Variants in SHANK2 observed in about 807,000 individuals in gnomAD.
The protein encoded by SHANK2 is SH3 and multiple ankyrin repeat domains protein 2.
Under a neutral mutation model 133.7 loss-of-function variants are expected in SHANK2, and 43 were observed. The ratio of observed to expected loss-of-function variants is 0.32; its 90% CI spans 0.25 to 0.41. The LOEUF is 0.41. SHANK2 is among the 10% of genes least tolerant of loss of function. The probability of loss-of-function intolerance (pLI) is 1.00; values close to 1 mark genes in which losing one functional copy is unlikely to be tolerated. For missense variants in SHANK2, 1,994 were observed against 2,235.8 expected (o/e 0.89, Z 2.18); for synonymous variants, 1,017 against 952.8 (o/e 1.07, Z -1.24).
chr11:70,861,753 C>T (rs1449842083), intron 11 of SHANK2, among the ~76,000 whole-genome samples: 1 of 152,160 alleles, frequency 6.6e-6, no homozygotes, highest in Non-Finnish European at 1.5e-5. Context: ...ACAATCCCAG[C>T]AGATGCTGAC....
intron 13 of SHANK2, among the ~76,000 whole-genome samples, chr11:70,800,273 C>CCTCCACCT (rs1555050213): frequency 2.0e-5 from 3 of 152,204 alleles, no homozygotes; most frequent in African/African-American, 7.2e-5. Flanking sequence ...CAATCACCTG[C>CCTCCACCT]CTCCACCTCC....
chr11:70,651,327 G>A (rs1417027594), intron 17 of SHANK2, among the ~76,000 whole-genome samples: 5 of 152,156 alleles, frequency 3.3e-5, no homozygotes, highest in Admixed American at 1.3e-4. Context: ...CGAGCTGCCC[G>A]CATCCACCTT....
At chr11:70,783,814 A>G (rs575215543) in intron 14 of SHANK2, among the ~76,000 whole-genome samples, 2 of 152,322 alleles carry the variant, frequency 1.3e-5, no homozygotes, top group Non-Finnish European at 2.9e-5. Context: ...AATTAAAAAT[A>G]AAAGCATCAC....
chr11:70,837,280 T>TGCTCCTCCAGATGCTCCC (rs1555060293), intron 11 of SHANK2, among the ~76,000 whole-genome samples: 1 of 152,216 alleles, frequency 6.6e-6, no homozygotes, highest in Non-Finnish European at 1.5e-5. Context: ...CTGCTGCTCC[T>TGCTCCTCCAGATGCTCCC]GCTCCTCCAG....
At chr11:70,792,394 GCCAACCAACCAACCAACCAACCAA>G (rs57783483) in intron 14 of SHANK2, among the ~76,000 whole-genome samples, 14 of 144,082 alleles carry the variant, frequency 9.7e-5, no homozygotes, top group Non-Finnish European at 2.0e-4. Context: ...CAGCCAACCA[GCCAACCAACCAACCAACCAACCAA>G]CCAACCAACC....
intron 11 of SHANK2, among the ~76,000 whole-genome samples, chr11:70,847,413 G>C (rs1338636712): frequency 2.0e-5 from 3 of 152,222 alleles, no homozygotes; most frequent in Non-Finnish European, 4.4e-5. Context: ...TTCTCAGCAA[G>C]AAAGTGATGC....
intron 17 of SHANK2, among the ~76,000 whole-genome samples, chr11:70,605,614 T>G (rs1420729201): frequency 6.6e-6 from 1 of 152,224 alleles, no homozygotes; most frequent in Non-Finnish European, 1.5e-5. Flanking sequence ...GAAGCTCAGA[T>G]GTATCAGGCG....
chr11:70,554,677 G>T (rs571635376), intron 17 of SHANK2, among the ~76,000 whole-genome samples: 2 of 152,008 alleles, frequency 1.3e-5, no homozygotes, highest in South Asian at 4.2e-4. Flanking sequence ...GGTTCCTTCT[G>T]GGCATTGTAT....
chr11:70,618,652 C>A (rs1200879860), intron 17 of SHANK2, among the ~76,000 whole-genome samples: 1 of 152,248 alleles, frequency 6.6e-6, no homozygotes, highest in Non-Finnish European at 1.5e-5. Context: ...GGTAATCCAG[C>A]TTAATTAACA....
At chr11:71,108,913 G>A (rs782306732) in intron 6 of SHANK2, among the ~76,000 whole-genome samples, 21 of 151,956 alleles carry the variant, frequency 1.4e-4, no homozygotes, top group Non-Finnish European at 2.8e-4. Context: ...ACAGAGCTGT[G>A]CAGGCTGAAT....
At chr11:71,120,233 G>A (rs1167894860) in intron 3 of SHANK2, among the ~76,000 whole-genome samples, 3 of 152,180 alleles carry the variant, frequency 2.0e-5, no homozygotes, top group African/African-American at 4.8e-5. Context: ...AAAGGCAAAG[G>A]CCAGGCAAAT....
intron 2 of SHANK2, among the ~76,000 whole-genome samples, chr11:71,199,616 G>A (rs1953978964): frequency 6.6e-6 from 1 of 152,370 alleles, no homozygotes; most frequent in African/African-American, 2.4e-5. Flanking sequence ...GCCTCGAAGG[G>A]AGCATGCAGG....
chr11:70,926,704 C>T (rs538528521), intron 10 of SHANK2, among the ~76,000 whole-genome samples: 16 of 152,298 alleles, frequency 1.1e-4, no homozygotes, highest in South Asian at 4.1e-4. Context: ...GAAGGCAGAG[C>T]GTGGCCCCAT....
chr11:70,500,710 C>CAGGCAGGG lies in SHANK2; in HGVS notation c.2288-128_2288-121dup. The CAGGCAGGG allele has an allele frequency of 7.5e-7, 1 of 1,330,886 alleles. No individual in the cohort carries two copies. Among genetic ancestry groups the CAGGCAGGG allele is most frequent in the Middle Eastern group, 1.8e-4 (1 of 5,532 alleles). The allele number at this position is 1,330,886 out of a possible 1,614,324, so 82.4% of individuals were successfully genotyped here. ...GCAGGCTGGGCCGGCAATGGGGCGG[C>CAGGCAGGG]AGGCAGGGGCTGTCTGGAACGCTGC... On this transcript the variant is annotated intron_variant, in intron 20 of 25. Coordinates refer to ENST00000601538, the MANE Select transcript of SHANK2 (RefSeq NM_012309.5). This position sits in a 1 kb window ranked among gnomAD's most constrained non-coding sequence, Gnocchi z 4.5.
At chr11:71,110,455 A>C (rs1565456908) in intron 5 of SHANK2, among the ~76,000 whole-genome samples, 1 of 151,928 alleles carries the variant, frequency 6.6e-6, no homozygotes, top group African/African-American at 2.4e-5. Context: ...CAAACAAACA[A>C]AAAATTAGCT....
rs571879170 is a variant in SHANK2 at position 71,146,628 on chromosome 11, C to T, written c.207+492G>A. ...CAGGAGGAGGCGGACAGCAGCCACG[C>T]GGGAAGGAGTGCTCAGGGCTGTACC... On this transcript the variant is annotated intron_variant, in intron 3 of 25. Coordinates refer to ENST00000601538, the MANE Select transcript of SHANK2 (RefSeq NM_012309.5). Among the ~76,000 whole-genome samples, 7 of 152,270 alleles carry T rather than the reference C, an allele frequency of 4.6e-5. No homozygotes were observed. In the East Asian group the frequency reaches 5.8e-4, roughly 13 times the overall value.
chr11:70,534,535 C>T (rs1411763470), intron 17 of SHANK2, among the ~76,000 whole-genome samples: 1 of 152,206 alleles, frequency 6.6e-6, no homozygotes, highest in Non-Finnish European at 1.5e-5. Flanking sequence ...CATTCACAGA[C>T]AGAAGCCACC....
Position 70,487,080 on chromosome 11 carries a change from G to T in SHANK2, c.3213C>A (p.Ser1071Arg). ...EPPSQLRPDE[S>R]LTVSSPFAAA... ...CGGCAAAGGGGCTGCTGACGGTCAG[G>T]CTTTCGTCAGGCCGCAGCTGGCTCG... The change falls in exon 25 of 26, where the codon AGC (serine) becomes AGA (arginine). Residue 1071 changes from serine to arginine, a missense_variant. Physicochemically the swap from Ser to Arg is moderately radical, Grantham distance 110. This residue lies in a region of SHANK2 where 488 missense variants were observed against 642.6 expected (regional missense o/e 0.76). Coordinates refer to ENST00000601538, the MANE Select transcript of SHANK2 (RefSeq NM_012309.5). This position sits in a 1 kb window ranked among gnomAD's most constrained non-coding sequence, Gnocchi z 5.8. 1 of 1,609,972 alleles carries T rather than the reference G, an allele frequency of 6.2e-7. No homozygotes were observed.
At position 71,083,980 on chromosome 11, in the gene SHANK2, G is replaced by GA. The variant is rs1434862532; in HGVS notation, c.912+8441_912+8442insT. On this transcript the variant is annotated intron_variant, in intron 8 of 25. Coordinates refer to ENST00000601538, the MANE Select transcript of SHANK2 (RefSeq NM_012309.5). ...GTAATTTGAATAACAACTTTTTTTT[G>GA]GGGGGGGGAGACAGAGTCTTGCTCT... is the stretch of plus-strand genomic sequence containing the variant. Among the ~76,000 whole-genome samples, 4 of 9,422 alleles carry GA rather than the reference G, an allele frequency of 4.2e-4. No individual in the cohort carries two copies. In the South Asian group the frequency reaches 6.4e-3, roughly 15 times the overall value. The allele number at this position is 9,422 out of a possible 152,430, so 6.2% of individuals were successfully genotyped here.
Sources: allele counts gnomAD v4.1 joint callset (sites outside exome capture counted in the v4.1 genomes callset), GRCh38; gene constraint gnomAD v4.1.1; regional missense constraint gnomAD v4.1.1; non-coding constraint Gnocchi (gnomAD v3.1); transcripts MANE v1.5; gene names NCBI Gene and HGNC (gene_info 2026-07-23, HGNC 2026-07-21).